The following NDUFA8 variants were observed in gnomAD, a reference collection of about 807,000 sequenced individuals.
NDUFA8 encodes NADH:ubiquinone oxidoreductase subunit A8.
In NDUFA8, 16 loss-of-function variants were observed where a neutral mutation model predicts 20.9. The observed-to-expected ratio is 0.77, with a 90% CI of 0.52 to 1.16. The LOEUF (loss-of-function observed/expected upper bound fraction) is 1.16, where lower values mean the gene tolerates loss of function less well. NDUFA8 is among the 50% of genes most tolerant of loss of function. NDUFA8 has a pLI of 0.00. For missense variants in NDUFA8, 202 were observed against 216.4 expected (o/e 0.93, Z 0.42); for synonymous variants, 70 against 76.1 (o/e 0.92, Z 0.41).
the NDUFA8 span, among the ~76,000 whole-genome samples, chr9:122,133,842 G>A: frequency 2.6e-5 from 4 of 152,340 alleles, no homozygotes; most frequent in African/African-American, 4.8e-5. Flanking sequence ...TCCAAGAACC[G>A]GCTTCAAACA....
At chr9:122,148,923 T>C (rs1444389305) in intron 2 of NDUFA8, among the ~76,000 whole-genome samples, 3 of 152,202 alleles carry the variant, frequency 2.0e-5, no homozygotes, top group Non-Finnish European at 2.9e-5. Flanking sequence ...TCTGTGGCCA[T>C]CAAAAATGGC....
downstream of NDUFA8, among the ~76,000 whole-genome samples, chr9:122,142,038 C>G (rs903204293): frequency 5.3e-5 from 8 of 152,142 alleles, no homozygotes. Flanking sequence ...GGGGAGTGAA[C>G]AGTGCTAGAA....
At chr9:122,151,436 T>C (rs988254453) in intron 2 of NDUFA8, among the ~76,000 whole-genome samples, 3 of 152,228 alleles carry the variant, frequency 2.0e-5, no homozygotes, top group Non-Finnish European at 2.9e-5. Context: ...CAGGAGCTTC[T>C]GCTCACTTCT....
At chr9:122,136,447 T>G in the NDUFA8 span, among the ~76,000 whole-genome samples, 1 of 152,246 alleles carries the variant, frequency 6.6e-6, no homozygotes, top group Non-Finnish European at 1.5e-5. Context: ...TGGCATCTTT[T>G]ATGGTTTTAC....
At chr9:122,145,957 C>A (rs1263210655) in intron 3 of NDUFA8, among the ~76,000 whole-genome samples, 2 of 151,708 alleles carry the variant, frequency 1.3e-5, no homozygotes, top group Non-Finnish European at 2.9e-5. Flanking sequence ...AAGACCAGCC[C>A]AGGCAACATG....
chr9:122,144,052 C>T (rs1828860718), downstream of NDUFA8: 1 of 1,443,500 alleles, frequency 6.9e-7, no homozygotes, highest in Non-Finnish European at 9.1e-7. Context: ...TAATAAAATA[C>T]AACCGTTTCC....
chr9:122,156,715 C>T (rs530915478), intron 1 of NDUFA8, among the ~76,000 whole-genome samples: 17 of 152,314 alleles, frequency 1.1e-4, no homozygotes, highest in South Asian at 8.3e-4. Flanking sequence ...ACTATTGCCA[C>T]GCTGCAAATC....
downstream of NDUFA8, among the ~76,000 whole-genome samples, chr9:122,142,510 A>G (rs1828838163): frequency 6.6e-6 from 1 of 152,172 alleles, no homozygotes; most frequent in South Asian, 2.1e-4. Flanking sequence ...TGTGCACTCA[A>G]AGCTGAGAAC....
chr9:122,152,325 G>A lies in NDUFA8; in HGVS notation c.135C>T (p.Leu45=). The A allele has an allele frequency of 1.2e-6, 2 of 1,614,110 alleles. No homozygotes were observed. Among genetic ancestry groups the A allele is most frequent in the Non-Finnish European group, 1.7e-6 (2 of 1,180,030 alleles). The part of the protein sequence containing the change: ...QCDKPNKEFM[L]CRWEEKDPRR... ...TCGGATCTTTCTCTTCCCAGCGGCA[G>A]AGCATAAACTCCTTGTTGGGCTTAT... Residue 45 remains leucine (L), a synonymous_variant, in exon 2 of 4, where the codon CTC becomes CTT. Transcript: ENST00000373768.
At chr9:122,133,217 C>T in the NDUFA8 span, among the ~76,000 whole-genome samples, 1 of 152,176 alleles carries the variant, frequency 6.6e-6, no homozygotes, top group Non-Finnish European at 1.5e-5. Context: ...AAAGACCATT[C>T]TTGATTTCTG....
rs1428577591 is a variant in NDUFA8 at position 122,148,236 on chromosome 9, C to T, written c.257G>A (p.Trp86Ter). ...CTGGCCAGTATAATCAATGCAAGTC[C>T]AATATTCTGTAAAAGGCTCTGCACA... ...RHCAEPFTEY[W>*]TCIDYTGQQL... Residue 86 changes from tryptophan to a stop codon, truncating the protein, a stop_gained, in exon 3 of 4, where the codon TGG becomes TAG. Transcript: ENST00000373768. LOFTEE classifies it high-confidence loss of function. 3.7e-6 allele frequency: 6 copies of T among 1,614,136 alleles called. No homozygotes were observed. The highest frequency in any genetic ancestry group is 5.1e-6 in the Non-Finnish European group (6 of 1,180,034).
intron 1 of NDUFA8, among the ~76,000 whole-genome samples, chr9:122,158,586 C>T (rs547978826): frequency 1.2e-4 from 18 of 151,982 alleles, no homozygotes; most frequent in South Asian, 4.2e-4. Flanking sequence ...TTACGAGCTC[C>T]GTGACCTTGG....
chr9:122,149,789 C>A (rs1588292646), intron 2 of NDUFA8, among the ~76,000 whole-genome samples: 1 of 152,166 alleles, frequency 6.6e-6, no homozygotes, highest in Non-Finnish European at 1.5e-5. Context: ...GAAACCCCAT[C>A]TCTACTAAAC....
At chr9:122,156,963 T>C (rs112899925) in intron 1 of NDUFA8, among the ~76,000 whole-genome samples, 156 of 152,340 alleles carry the variant, frequency 1.0e-3, no homozygotes, top group Non-Finnish European at 2.0e-3. Flanking sequence ...TCTCCCTAAA[T>C]GACAATTCTT....
chr9:122,157,670 C>G (rs1251647076), intron 1 of NDUFA8, among the ~76,000 whole-genome samples: 3 of 145,392 alleles, frequency 2.1e-5, no homozygotes, highest in African/African-American at 5.3e-5. Flanking sequence ...GGGGTGGGGG[C>G]AGGGGGGTGG....
downstream of NDUFA8, among the ~76,000 whole-genome samples, chr9:122,139,767 C>T (rs563355183): frequency 6.6e-6 from 1 of 152,294 alleles, no homozygotes; most frequent in African/African-American, 2.4e-5. Context: ...GATCTCAGCT[C>T]AATGCAACCT....
At chr9:122,156,871 T>A (rs1181591105) in intron 1 of NDUFA8, among the ~76,000 whole-genome samples, 1 of 152,234 alleles carries the variant, frequency 6.6e-6, no homozygotes. Flanking sequence ...TCTTTCTCAA[T>A]AATTTTAAGA....
Position 122,144,389 on chromosome 9 carries a change from T to G in NDUFA8, c.382-11A>C. On this transcript the variant is annotated splice_polypyrimidine_tract_variant and intron_variant, in intron 3 of 3. Transcript: ENST00000373768. The stretch of plus-strand genomic sequence containing the variant: ...TTTCACTTTGGTGACCTGGGAAGGG[T>G]GAAGAGGGCAAAAGCAAAGTTGAAA... 1 of 1,613,884 alleles carries G rather than the reference T, an allele frequency of 6.2e-7. No individual in the cohort carries two copies.
the NDUFA8 span, among the ~76,000 whole-genome samples, chr9:122,132,729 T>C: frequency 0.77 from 116,420 of 152,074 alleles, 44,908 homozygotes; most frequent in African/African-American, 0.84. Flanking sequence ...GGCTGTGGTT[T>C]CTAGTCTAGA....
Sources: gnomAD v4.1 joint callset for allele counts (sites outside exome capture counted in the v4.1 genomes callset) on GRCh38, gnomAD v4.1.1 for gene constraint, MANE v1.5 for transcripts, NCBI Gene and HGNC (gene_info 2026-07-23, HGNC 2026-07-21) for gene names.